The following FAM107B variants were observed in gnomAD, a reference collection of about 807,000 sequenced individuals.
FAM107B encodes protein FAM107B.
FAM107B carries 21 observed loss-of-function variants against 31.5 expected under a neutral mutation model. The observed-to-expected ratio is 0.67, with a 90% CI of 0.47 to 0.96. The LOEUF is 0.96. FAM107B is among the 40% of genes least tolerant of loss of function. FAM107B has a pLI of 0.00. For synonymous variants in FAM107B, 157 were observed against 141.5 expected (o/e 1.11, Z -0.78); for missense variants, 452 against 377.1 (o/e 1.20, Z -1.64).
intron 1 of FAM107B, among the ~76,000 whole-genome samples, chr10:14,683,084 T>G (rs1588703227): frequency 6.6e-6 from 1 of 152,166 alleles, no homozygotes; most frequent in South Asian, 2.1e-4. Context: ...TGTCTAAAGG[T>G]GCAATGTGTA....
intron 2 of FAM107B, among the ~76,000 whole-genome samples, chr10:14,557,802 T>C (rs1849830768): frequency 6.6e-6 from 1 of 152,192 alleles, no homozygotes; most frequent in Non-Finnish European, 1.5e-5. Context: ...CCCATGGTGA[T>C]GCCATTGGAG....
At position 14,667,619 on chromosome 10, in the gene FAM107B, C is replaced by T. The variant is rs770633024; in HGVS notation, c.469+15G>A. ...ACAGCAGCCTGGAAAAGGAATCACA[C>T]AGAATGTACTCTACCTGATGTCATT... is the stretch of plus-strand genomic sequence containing the variant. On this transcript the variant is annotated intron_variant, in intron 2 of 4. Transcript: ENST00000181796. The T allele has an allele frequency of 6.8e-6, 11 of 1,613,276 alleles. No homozygotes were observed. Among genetic ancestry groups the T allele is most frequent in the African/African-American group, 4.0e-5 (3 of 74,898 alleles).
intron 2 of FAM107B, among the ~76,000 whole-genome samples, chr10:14,547,546 A>G (rs1050587581): frequency 7.9e-5 from 12 of 151,974 alleles, no homozygotes; most frequent in African/African-American, 2.9e-4. Flanking sequence ...CAATTTTAGC[A>G]TATTTGGAAT....
At chr10:14,634,064 A>G (rs1853435152) in intron 2 of FAM107B, among the ~76,000 whole-genome samples, 1 of 152,142 alleles carries the variant, frequency 6.6e-6, no homozygotes, top group African/African-American at 2.4e-5. Context: ...TATGCTTTTA[A>G]GACATTGTTA....
At chr10:14,523,275 A>T (rs919749174) in intron 3 of FAM107B, among the ~76,000 whole-genome samples, 23 of 152,214 alleles carry the variant, frequency 1.5e-4, no homozygotes, top group African/African-American at 5.5e-4. Context: ...CTGCCAACTC[A>T]TAAGTAATCT....
At chr10:14,679,494 G>A (rs1182656610) in intron 1 of FAM107B, among the ~76,000 whole-genome samples, 3 of 152,202 alleles carry the variant, frequency 2.0e-5, no homozygotes, top group African/African-American at 7.2e-5. Flanking sequence ...ACAAGGTGAT[G>A]TATGTAAAAC....
rs542079984 is a variant in FAM107B, at chr10:14,554,114, G to T, written c.470-23599C>A. 1.2e-5 allele frequency: 12 copies of T among 985,314 alleles called. No homozygotes were observed. In the Admixed American group the frequency reaches 6.1e-4, roughly 50 times the overall value. 61.0% of individuals were successfully genotyped at this position (985,314 alleles called of 1,614,324 possible). A position where few individuals can be genotyped will look rare whatever the true frequency, so the allele number is the denominator to read the frequency against. On this transcript the variant is annotated intron_variant, in intron 2 of 4. Coordinates refer to ENST00000181796, the MANE Select transcript of FAM107B (RefSeq NM_031453.4). ...TAGATATGGACTCACCTGATCACAG[G>T]CATCTCAGATAAGCTGGCCTCGCCT... is the stretch of plus-strand genomic sequence containing the variant.
At chr10:14,636,698 G>C (rs530855359) in intron 2 of FAM107B, among the ~76,000 whole-genome samples, 5 of 152,112 alleles carry the variant, frequency 3.3e-5, no homozygotes, top group Admixed American at 6.5e-5. Context: ...TGAATTTTAG[G>C]GGGGGTGGGG....
intron 1 of FAM107B, among the ~76,000 whole-genome samples, chr10:14,773,900 G>A (rs1325573058): frequency 1.3e-5 from 2 of 152,010 alleles, no homozygotes; most frequent in Non-Finnish European, 2.9e-5. Flanking sequence ...ACAGACCGGT[G>A]GGGGTGGAGG....
chr10:14,577,920 C>T (rs909444208), intron 2 of FAM107B, among the ~76,000 whole-genome samples: 1 of 152,034 alleles, frequency 6.6e-6, no homozygotes, highest in Non-Finnish European at 1.5e-5. Context: ...TTGAGTTACA[C>T]GAAGTTTTTT....
chr10:14,719,983 C>T (rs1272117024), intron 1 of FAM107B, among the ~76,000 whole-genome samples: 1 of 141,968 alleles, frequency 7.0e-6, no homozygotes, highest in African/African-American at 2.4e-5. Context: ...ACTGGGTACC[C>T]CACAGAGAAA....
intron 2 of FAM107B, among the ~76,000 whole-genome samples, chr10:14,641,803 T>C (rs539303398): frequency 2.7e-4 from 41 of 152,304 alleles, no homozygotes; most frequent in African/African-American, 9.4e-4. Flanking sequence ...GAGACATAAT[T>C]CAGTTTATAG....
chr10:14,522,281 C>T lies in FAM107B; in HGVS notation c.654-262G>A, dbSNP rs73599367. ...CACGTGCCATGTGCAAGACACTAGG[C>T]TACGCAAAGGAGGGCAGTGAGGGTG... On this transcript the variant is annotated intron_variant, in intron 3 of 4. Transcript: ENST00000181796. 2,070 of 444,196 alleles carry T rather than the reference C, an allele frequency of 4.7e-3. 35 individuals are homozygous for T. Among genetic ancestry groups the T allele is most frequent in the African/African-American group, 0.037 (1,896 of 50,622 alleles). The allele number at this position is 444,196 out of a possible 1,614,324, so 27.5% of individuals were successfully genotyped here. A position where few individuals can be genotyped will look rare whatever the true frequency, so the allele number is the denominator to read the frequency against.
chr10:14,774,401 C>G lies in FAM107B; in HGVS notation c.263G>C (p.Ser88Thr), dbSNP rs1430725017. 2.5e-6 allele frequency: 4 copies of G among 1,614,248 alleles called. No homozygotes were observed. The East Asian group carries it at 8.9e-5, about 36-fold the overall frequency. Reference protein sequence around the residue: ...DSSTHAERNGSANRNSSHRTA... With the variant: ...DSSTHAERNGTANRNSSHRTA... ...GCGGTGACTTGAATTCCGATTCGCA[C>G]TGCCATTTCTCTCTGCATGGGTGCT... The change falls in exon 1 of 5, where the codon AGT (serine) becomes ACT (threonine). Residue 88 changes from serine (S) to threonine (T), a missense_variant. Transcript: ENST00000181796.
In FAM107B at chr10:14,674,071, C is replaced by G. The variant is rs578142810; in HGVS notation, c.412-6380G>C. Among the ~76,000 whole-genome samples the G allele has an allele frequency of 2.0e-5, 3 of 152,252 alleles. No individual in the cohort carries two copies. The East Asian group carries it at 5.8e-4, about 29-fold the overall frequency. On this transcript the variant is annotated intron_variant, in intron 1 of 4. Coordinates refer to ENST00000181796, the MANE Select transcript of FAM107B (RefSeq NM_031453.4). ...CATGCAGAAGAATGAAGGTAGACCC[C>G]TATCTCTCACCAGATCCAAAAATCA...
intron 2 of FAM107B, among the ~76,000 whole-genome samples, 180 bp downstream of exon 2, chr10:14,667,454 T>C (rs896822763): frequency 5.9e-5 from 9 of 152,222 alleles, no homozygotes; most frequent in African/African-American, 2.2e-4. Flanking sequence ...ATTTTCTGCA[T>C]CACAACCAGA....
intron 2 of FAM107B, among the ~76,000 whole-genome samples, chr10:14,629,930 C>T (rs193187050): frequency 9.2e-5 from 14 of 152,008 alleles, no homozygotes; most frequent in African/African-American, 2.4e-4. Context: ...ACTAAAAAAC[C>T]GTGTAAATCA....
chr10:14,547,715 G>A (rs183928759), intron 2 of FAM107B, among the ~76,000 whole-genome samples: 5 of 152,190 alleles, frequency 3.3e-5, no homozygotes, highest in African/African-American at 1.2e-4. Flanking sequence ...TTAAGGGTTT[G>A]TCTGGAAAAC....
intron 1 of FAM107B, among the ~76,000 whole-genome samples, chr10:14,761,893 C>T (rs991066828): frequency 5.3e-5 from 8 of 152,310 alleles, no homozygotes; most frequent in Admixed American, 3.3e-4. Context: ...GCCACCGCAC[C>T]GGGCCGATGG....
Sources: allele counts gnomAD v4.1 joint callset (sites outside exome capture counted in the v4.1 genomes callset), GRCh38; gene constraint gnomAD v4.1.1; transcripts MANE v1.5; gene names NCBI Gene and HGNC (gene_info 2026-07-23, HGNC 2026-07-21).